The following CTNNA2 variants were observed in gnomAD, a reference collection of about 807,000 sequenced individuals.
The protein encoded by CTNNA2 is catenin alpha-2.
A neutral mutation model predicts 101.0 loss-of-function variants in CTNNA2; 42 were observed. The observed-to-expected ratio is 0.42, with a 90% CI of 0.32 to 0.54. The LOEUF is 0.54. Among genes scored for constraint, CTNNA2 ranks in the 20% least tolerant of loss-of-function variants. CTNNA2 has a pLI of 0.14. For synonymous variants in CTNNA2, 450 were observed against 456.4 expected (o/e 0.99, Z 0.18); for missense variants, 871 against 1,223.1 (o/e 0.71, Z 4.29).
In CTNNA2 at chr2:79,917,063, A is replaced by AT. The variant is rs1446791535; in HGVS notation, c.1056+7269dup. 4.4e-5 allele frequency among the ~76,000 whole-genome samples: 4 copies of AT among 90,438 alleles called. No individual in the cohort carries two copies. The South Asian group carries it at 1.3e-3, about 30-fold the overall frequency. The allele number at this position is 90,438 out of a possible 152,430, so 59.3% of individuals were successfully genotyped here. ...TCAGGTTCAAGCAATTCTCAGCCTT[A>AT]TTTATTTATTTATTTATTTATTTTT... is the stretch of plus-strand genomic sequence containing the variant. On this transcript the variant is annotated intron_variant, in intron 7 of 18. Coordinates refer to ENST00000402739, the MANE Select transcript of CTNNA2 (RefSeq NM_001282597.3).
chr2:80,637,883 A>G (rs918054650), intron 18 of CTNNA2, among the ~76,000 whole-genome samples: 1 of 152,170 alleles, frequency 6.6e-6, no homozygotes, highest in Non-Finnish European at 1.5e-5. Context: ...GTGATTATGC[A>G]TTGCATGCTG....
chr2:79,985,629 A>T (rs1691703738), intron 7 of CTNNA2, among the ~76,000 whole-genome samples: 1 of 152,218 alleles, frequency 6.6e-6, no homozygotes, highest in Non-Finnish European at 1.5e-5. Flanking sequence ...ACATTAATCG[A>T]TGCATTAATG....
intron 5 of CTNNA2, among the ~76,000 whole-genome samples, chr2:79,872,115 G>A (rs1169233769): frequency 2.0e-5 from 3 of 152,078 alleles, no homozygotes; most frequent in Non-Finnish European, 4.4e-5. Context: ...ATCATACTAT[G>A]CATACAAATA....
intron 7 of CTNNA2, among the ~76,000 whole-genome samples, chr2:80,350,688 G>T (rs920822801): frequency 6.6e-6 from 1 of 152,122 alleles, no homozygotes; most frequent in Non-Finnish European, 1.5e-5. Flanking sequence ...ATGTGGTAAA[G>T]CACTTGGAGC....
intron 7 of CTNNA2, among the ~76,000 whole-genome samples, chr2:80,238,877 C>T (rs1174133517): frequency 6.6e-6 from 1 of 152,174 alleles, no homozygotes; most frequent in Non-Finnish European, 1.5e-5. Flanking sequence ...TTACTACCGG[C>T]CACCTAGTGG....
At chr2:79,277,148 T>A (rs1407109038) in intron 2 of CTNNA2, among the ~76,000 whole-genome samples, 1 of 152,140 alleles carries the variant, frequency 6.6e-6, no homozygotes, top group Non-Finnish European at 1.5e-5. Context: ...TGGATGATAC[T>A]TTAAACTCTC....
intron 3 of CTNNA2, among the ~76,000 whole-genome samples, chr2:79,857,215 A>G (rs948989060): frequency 1.3e-5 from 2 of 152,140 alleles, no homozygotes; most frequent in Admixed American, 6.5e-5. Context: ...ATTAAAATGG[A>G]CAGCTTCCCC....
intron 2 of CTNNA2, among the ~76,000 whole-genome samples, chr2:79,237,969 G>T (rs749032594): frequency 5.3e-5 from 8 of 152,254 alleles, no homozygotes; most frequent in Admixed American, 3.3e-4. Context: ...GTTCACTGGA[G>T]TAGCACATTT....
At chr2:80,236,068 T>A (rs1342150783) in intron 7 of CTNNA2, among the ~76,000 whole-genome samples, 1 of 152,188 alleles carries the variant, frequency 6.6e-6, no homozygotes, top group Non-Finnish European at 1.5e-5. Flanking sequence ...AGTATTTGGT[T>A]TTCTGTTCCT....
chr2:79,621,758 C>T (rs1028237170), intron 1 of CTNNA2, among the ~76,000 whole-genome samples: 1 of 152,156 alleles, frequency 6.6e-6, no homozygotes. Context: ...GCCTGCCTAA[C>T]ACTACCTCAG....
rs189536582 is a variant in CTNNA2, at chr2:79,678,309, A to G, written c.102+26651A>G. 2.2e-3 allele frequency among the ~76,000 whole-genome samples: 339 copies of G among 152,184 alleles called. 1 individual carries two copies. The highest frequency in any genetic ancestry group is 5.4e-3 in the Admixed American group (82 of 15,298). On this transcript the variant is annotated intron_variant, in intron 2 of 18. Transcript: ENST00000402739. ...GTAATCCTAGCACTTTGGGAGCCCA[A>G]GGTAGGCAGATCACTTGAGCTCAGG...
intron 3 of CTNNA2, among the ~76,000 whole-genome samples, chr2:79,370,055 T>C (rs899581263): frequency 6.6e-6 from 1 of 152,160 alleles, no homozygotes; most frequent in African/African-American, 2.4e-5. Context: ...GCCAATGCCT[T>C]GTAGAATGTT....
intron 4 of CTNNA2, among the ~76,000 whole-genome samples, chr2:79,454,283 G>T (rs1433884291): frequency 6.6e-6 from 1 of 151,960 alleles, no homozygotes; most frequent in African/African-American, 2.4e-5. Flanking sequence ...AAAACAAACT[G>T]AACTCTGATG....
intron 2 of CTNNA2, among the ~76,000 whole-genome samples, chr2:79,699,786 A>C (rs1260559489): frequency 1.8e-5 from 2 of 109,772 alleles, no homozygotes; most frequent in South Asian, 5.9e-4. Context: ...AAAAGAAAAA[A>C]ATACACACAC....
rs142554276 is a variant in CTNNA2 at position 80,429,600 on chromosome 2, G to A, written c.1290+9999G>A. 1.9e-3 allele frequency among the ~76,000 whole-genome samples: 285 copies of A among 152,254 alleles called. 1 individual carries two copies. Among genetic ancestry groups the A allele is most frequent in the Non-Finnish European group, 2.2e-3 (151 of 68,030 alleles). ...TGCTGATGTTGGCGTAATTGTATAG[G>A]CATTAAATTTCATATCTCTGAAATC... On this transcript the variant is annotated intron_variant, in intron 9 of 18. Transcript: ENST00000402739.
At chr2:79,855,454 C>T (rs987684921) in intron 3 of CTNNA2, among the ~76,000 whole-genome samples, 7 of 152,182 alleles carry the variant, frequency 4.6e-5, no homozygotes, top group African/African-American at 1.7e-4. Flanking sequence ...TGGAAGGAGT[C>T]GTTCTAGGCC....
chr2:79,335,093 C>A (rs1316182374), intron 3 of CTNNA2, among the ~76,000 whole-genome samples: 2 of 152,144 alleles, frequency 1.3e-5, no homozygotes, highest in Non-Finnish European at 2.9e-5. Flanking sequence ...TCACTCTAAT[C>A]CCAGAAGTTA....
Position 80,589,414 on chromosome 2 carries a change from C to T in CTNNA2, c.2118C>T (p.Asp706=). 1 of 1,614,092 alleles carries T rather than the reference C, an allele frequency of 6.2e-7. No homozygotes were observed. Among genetic ancestry groups the T allele is most frequent in the South Asian group, 1.1e-5 (1 of 91,080 alleles). The change falls in exon 15 of 19, where the codon GAC becomes GAT. Residue 706 remains aspartate (D), a synonymous_variant. Coordinates refer to ENST00000402739, the MANE Select transcript of CTNNA2 (RefSeq NM_001282597.3). ...KLDAEVAKWD[D]SGNDIIVLAK... is the part of the protein sequence containing the mutation. ...ATGCAGAAGTGGCCAAATGGGACGA[C>T]AGCGGCAATGATATCATTGTACTGG...
chr2:80,489,822 T>C (rs1034641027), intron 9 of CTNNA2, among the ~76,000 whole-genome samples: 7 of 152,136 alleles, frequency 4.6e-5, no homozygotes, highest in African/African-American at 1.4e-4. Flanking sequence ...AAAGACAGTG[T>C]GAGAATTCAA....
Sources: allele counts gnomAD v4.1 joint callset (sites outside exome capture counted in the v4.1 genomes callset), GRCh38; gene constraint gnomAD v4.1.1; transcripts MANE v1.5; gene names NCBI Gene and HGNC (gene_info 2026-07-23, HGNC 2026-07-21).